USP44: variants seen among roughly 807,000 people sequenced by gnomAD.
USP44 encodes the protein ubiquitin carboxyl-terminal hydrolase 44.
In USP44, 61 loss-of-function variants were observed where a neutral mutation model predicts 69.0. The observed-to-expected ratio is 0.88, with a 90% CI of 0.72 to 1.09. USP44 has a LOEUF of 1.09. USP44 is among the 50% of genes least tolerant of loss of function. The pLI is 0.00. For missense variants in USP44, 753 were observed against 849.9 expected (o/e 0.89, Z 1.42); for synonymous variants, 297 against 295.4 (o/e 1.01, Z -0.06).
chr12:95,533,898 A>G lies in USP44; in HGVS notation c.359T>C (p.Leu120Ser), dbSNP rs1308436835. 1.1e-5 allele frequency: 18 copies of G among 1,614,092 alleles called. No individual in the cohort carries two copies. Among genetic ancestry groups the G allele is most frequent in the Non-Finnish European group, 1.5e-5 (18 of 1,180,034 alleles). Residue 120 changes from leucine (L) to serine (S), a missense_variant, in exon 2 of 6, where the codon TTA (leucine) becomes TCA (serine). By Grantham distance (145) the Leu-to-Ser change is moderately radical. Transcript: ENST00000258499. ...ATCATCACCTGTACCCATGGACCGT[A>G]AAAACCTCCCACTACGAGTTGTGCA... The part of the protein sequence containing the change: ...YHCTTRSGRF[L>S]RSMGTGDDSY...
rs1303225308 is a variant in USP44 at position 95,517,075 on chromosome 12, A to AGTT, written c.*1076_*1078dup. 6.7e-6 allele frequency: 1 copy of AGTT among 148,590 alleles called. No individual in the cohort carries two copies. Among genetic ancestry groups the AGTT allele is most frequent in the Non-Finnish European group, 1.5e-5 (1 of 67,892 alleles). The allele number at this position is 148,590 out of a possible 1,614,324, so 9.2% of individuals were successfully genotyped here. A position where few individuals can be genotyped will look rare whatever the true frequency, so the allele number is the denominator to read the frequency against. ...CTCACACTGTATTTTTTTTTGTGCA[A>AGTT]GTTTAGATAGATAGCTTTTAGTTTT... On this transcript the variant is annotated 3_prime_UTR_variant, in exon 6 of 6. Transcript: ENST00000258499.
At chr12:95,528,675 C>T (rs574335831) in intron 3 of USP44, 132 bp downstream of exon 3, 31 of 873,282 alleles carry the variant, frequency 3.5e-5, no homozygotes, top group African/African-American at 5.1e-5. Context: ...AAAGTGAAAA[C>T]GTCTGTTTCT....
chr12:95,550,792 G>GA (rs1179377924), intron 1 of USP44, among the ~76,000 whole-genome samples: 2 of 152,034 alleles, frequency 1.3e-5, no homozygotes. Context: ...GAAATGGGAA[G>GA]AAAAGCAAAG....
In USP44 at chr12:95,518,066, A is replaced by G; in HGVS notation, c.*88T>C. 3 of 1,443,356 alleles carry G rather than the reference A, an allele frequency of 2.1e-6. No homozygotes were observed. Among genetic ancestry groups the G allele is most frequent in the Non-Finnish European group, 2.8e-6 (3 of 1,054,506 alleles). 89.4% of individuals were successfully genotyped at this position (1,443,356 alleles called of 1,614,324 possible). A position where few individuals can be genotyped will look rare whatever the true frequency, so the allele number is the denominator to read the frequency against. ...GTATAAATGTAGTATACACTGATTC[A>G]CAAGAAAAAATGAAGTTTAAAATGG... On this transcript the variant is annotated 3_prime_UTR_variant, in exon 6 of 6. Coordinates refer to ENST00000258499, the MANE Select transcript of USP44 (RefSeq NM_032147.5).
At chr12:95,530,746 T>TA (rs1317625150) in intron 2 of USP44, among the ~76,000 whole-genome samples, 4 of 152,150 alleles carry the variant, frequency 2.6e-5, no homozygotes, top group Non-Finnish European at 5.9e-5. Context: ...TCAGAAGTCT[T>TA]ACTCTGACAA....
In USP44 at chr12:95,534,368, A is replaced by G. The variant is rs1358598308; in HGVS notation, c.-70-42T>C. 5.9e-6 allele frequency: 6 copies of G among 1,017,654 alleles called. No individual in the cohort carries two copies. In the East Asian group the frequency reaches 1.5e-4, roughly 26 times the overall value. The allele number at this position is 1,017,654 out of a possible 1,614,324, so 63.0% of individuals were successfully genotyped here. A position where few individuals can be genotyped will look rare whatever the true frequency, so the allele number is the denominator to read the frequency against. On this transcript the variant is annotated intron_variant, in intron 1 of 5. Coordinates refer to ENST00000258499, the MANE Select transcript of USP44 (RefSeq NM_032147.5). ...CAAGTGTTAATAACAAGATGCTAAT[A>G]TTTTTCATATTTTTTCCCAAGAATA...
intron 4 of USP44, chr12:95,522,091 T>C: frequency 2.0e-6 from 2 of 985,386 alleles, no homozygotes; most frequent in Non-Finnish European, 2.4e-6. Context: ...AAGCAATGTG[T>C]TTATCAATAT....
intron 1 of USP44, among the ~76,000 whole-genome samples, chr12:95,542,404 C>G (rs576289382): frequency 6.6e-6 from 1 of 152,262 alleles, no homozygotes; most frequent in African/African-American, 2.4e-5. Context: ...TTTTTTCAGG[C>G]TACCAAATTC....
At position 95,518,157 on chromosome 12, in the gene USP44, G is replaced by C. The variant is rs2076533515; in HGVS notation, c.2136C>G (p.Ser712Arg). 1 of 1,614,096 alleles carries C rather than the reference G, an allele frequency of 6.2e-7. No individual in the cohort carries two copies. The highest frequency in any genetic ancestry group is 8.5e-7 in the Non-Finnish European group (1 of 1,179,960). ...AGAAAACCCCATTGTCTTTGGATCA[G>C]CTAAGGATTTCATTAGACGAGGTAT... Reference protein sequence around the residue: ...DADTSSNEILS With the variant: ...DADTSSNEILR The change falls in exon 6 of 6, where the codon AGC becomes AGG. Residue 712 changes from serine to arginine, a missense_variant. By Grantham distance (110) the Ser-to-Arg change is moderately radical (BLOSUM62 -1). Transcript: ENST00000258499.
In USP44 at chr12:95,518,269, T is replaced by C; in HGVS notation, c.2024A>G (p.Tyr675Cys). ...TCCATTCTCAGTAACTCGTTGGGTA[T>C]AAAACAAGATATAAGCTTGAGCCTT... is the stretch of plus-strand genomic sequence containing the variant. Reference protein sequence around the residue: ...VCKAQAYILFYTQRVTENGHS... With the variant: ...VCKAQAYILFCTQRVTENGHS... The change falls in exon 6 of 6, where the codon TAT becomes TGT. Residue 675 changes from tyrosine (Y) to cysteine (C), a missense_variant. By Grantham distance (194) the Tyr-to-Cys change is radical. Coordinates refer to ENST00000258499, the MANE Select transcript of USP44 (RefSeq NM_032147.5). 6.2e-7 allele frequency: 1 copy of C among 1,614,158 alleles called. No individual in the cohort carries two copies. Among genetic ancestry groups the C allele is most frequent in the Non-Finnish European group, 8.5e-7 (1 of 1,180,034 alleles).
At chr12:95,530,694 T>C (rs540753329) in intron 2 of USP44, among the ~76,000 whole-genome samples, 3 of 128,512 alleles carry the variant, frequency 2.3e-5, no homozygotes, top group Non-Finnish European at 5.0e-5. Flanking sequence ...TAGATAGATA[T>C]AAAAGAAAAA....
rs770166854 is a variant in USP44 at position 95,524,796 on chromosome 12, A to C, written c.1625-8T>G. ...AAAACCTTCTACGCTTTGCTGTAAC[A>C]TCAAAGAAAGAATAAAAATCAAATT... On this transcript the variant is annotated splice_polypyrimidine_tract_variant and splice_region_variant and intron_variant, in intron 3 of 5. Coordinates refer to ENST00000258499, the MANE Select transcript of USP44 (RefSeq NM_032147.5). The C allele has an allele frequency of 2.5e-6, 4 of 1,581,912 alleles. No homozygotes were observed. The Admixed American group carries it at 6.1e-5, about 24-fold the overall frequency.
Position 95,520,007 on chromosome 12 carries a change from C to CAA in USP44, c.1939+988_1939+989dup, listed in dbSNP as rs56348745. Among the ~76,000 whole-genome samples, 115 of 34,518 alleles carry CAA rather than the reference C, an allele frequency of 3.3e-3. 12 individuals carry two copies. The highest frequency in any genetic ancestry group is 5.9e-3 in the African/African-American group (54 of 9,216). The allele number at this position is 34,518 out of a possible 152,430, so 22.6% of individuals were successfully genotyped here. On this transcript the variant is annotated intron_variant, in intron 5 of 5. Transcript: ENST00000258499. ...CAGGGGAAAGAGTGAGACTCTGTCT[C>CAA]AAAAAAAAAAAAAAAAAAAAAAAAA...
At chr12:95,521,765 G>T (rs1303276096) in intron 4 of USP44, among the ~76,000 whole-genome samples, 1 of 152,202 alleles carries the variant, frequency 6.6e-6, no homozygotes, top group Non-Finnish European at 1.5e-5. Flanking sequence ...GGGATTACAG[G>T]TGTGAGCCAC....
rs2076538759 is a variant in USP44 at position 95,518,264 on chromosome 12, G to A, written c.2029C>T (p.Gln677Ter). Reference protein sequence around the residue: ...KAQAYILFYTQRVTENGHSKL... With the variant: ...KAQAYILFYT ...GAATGTCCATTCTCAGTAACTCGTT[G>A]GGTATAAAACAAGATATAAGCTTGA... Residue 677 changes from glutamine (Q) to a stop codon, truncating the protein, a stop_gained, in exon 6 of 6, where the codon CAA (glutamine) becomes TAA (stop). Transcript: ENST00000258499. LOFTEE classifies it high-confidence loss of function. 6.2e-7 allele frequency: 1 copy of A among 1,614,098 alleles called. No individual in the cohort carries two copies. Among genetic ancestry groups the A allele is most frequent in the South Asian group, 1.1e-5 (1 of 91,076 alleles).
rs749738782 is a variant in USP44 at position 95,533,423 on chromosome 12, C to G, written c.834G>C (p.Leu278Phe). Reference sequence around the variant, plus strand: ...CAGAATTCATATAGCAAGTATTTCCCAAATTTCTCAATCCTGTTACACCAG... The same window carrying G: ...CAGAATTCATATAGCAAGTATTTCCGAAATTTCTCAATCCTGTTACACCAG... ...VTPGVTGLRN[L>F]GNTCYMNSVL... The change falls in exon 2 of 6, where the codon TTG becomes TTC. Residue 278 changes from leucine to phenylalanine, a missense_variant. By Grantham distance (22) the Leu-to-Phe change is conservative. Transcript: ENST00000258499. 6.2e-7 allele frequency: 1 copy of G among 1,613,850 alleles called. No individual in the cohort carries two copies. Among genetic ancestry groups the G allele is most frequent in the Non-Finnish European group, 8.5e-7 (1 of 1,179,822 alleles).
intron 2 of USP44, among the ~76,000 whole-genome samples, chr12:95,529,397 T>C (rs1479351044): frequency 6.6e-6 from 1 of 152,030 alleles, no homozygotes; most frequent in East Asian, 1.9e-4. Flanking sequence ...ATTTATGTCA[T>C]TAGGCTTGAG....
At position 95,524,858 on chromosome 12, in the gene USP44, CT is replaced by C. The variant is rs574342197; in HGVS notation, c.1625-71del. 1.0e-4 allele frequency: 137 copies of C among 1,342,490 alleles called. No individual in the cohort carries two copies. The South Asian group carries it at 1.7e-3, about 16-fold the overall frequency. 83.2% of individuals were successfully genotyped at this position (1,342,490 alleles called of 1,614,324 possible). On this transcript the variant is annotated intron_variant, in intron 3 of 5. Transcript: ENST00000258499. ...TTCAGGGAAAAGCTGAGTGAACCTTCTTTTTAATTAAGTCAGAAATGAAAAG... is the reference window on the plus strand; with the variant it reads ...TTCAGGGAAAAGCTGAGTGAACCTTCTTTTAATTAAGTCAGAAATGAAAAG...
intron 2 of USP44, among the ~76,000 whole-genome samples, chr12:95,531,771 G>T (rs1312527934): frequency 6.6e-6 from 1 of 152,154 alleles, no homozygotes; most frequent in African/African-American, 2.4e-5. Flanking sequence ...AAGAACAGAG[G>T]CAGGTGTGCA....
Sources: gnomAD v4.1 joint callset for allele counts (sites outside exome capture counted in the v4.1 genomes callset) on GRCh38, gnomAD v4.1.1 for gene constraint, MANE v1.5 for transcripts, NCBI Gene and HGNC (gene_info 2026-07-23, HGNC 2026-07-21) for gene names.